The following GPR107 variants were observed in gnomAD, a reference collection of about 807,000 sequenced individuals.
GPR107 encodes protein GPR107.
Under a neutral mutation model 75.5 loss-of-function variants are expected in GPR107, and 31 were observed. The observed-to-expected ratio is 0.41, with a 90% CI of 0.31 to 0.55. The LOEUF (loss-of-function observed/expected upper bound fraction) is 0.55. Among genes scored for constraint, GPR107 ranks in the 20% least tolerant of loss-of-function variants. The pLI, the probability that GPR107 is intolerant of heterozygous loss-of-function variation, is 0.26. For synonymous variants in GPR107, 267 were observed against 251.3 expected (o/e 1.06, Z -0.59); for missense variants, 572 against 665.7 (o/e 0.86, Z 1.55).
intron 1 of GPR107, among the ~76,000 whole-genome samples, chr9:130,060,402 G>GTTTTTTTT (rs11403227): frequency 1.3e-5 from 1 of 75,906 alleles, no homozygotes; most frequent in Non-Finnish European, 2.4e-5. Flanking sequence ...GATAATCCGA[G>GTTTTTTTT]TTTTTTTTTT....
intron 1 of GPR107, among the ~76,000 whole-genome samples, chr9:130,057,258 C>T (rs576126105): frequency 1.3e-5 from 2 of 152,142 alleles, no homozygotes; most frequent in South Asian, 2.1e-4. Context: ...TAGGGAAGCT[C>T]GTTTGAGGTC....
At chr9:130,127,631 C>A in intron 16 of GPR107, 65 bp downstream of exon 16, 1 of 856,228 alleles carries the variant, frequency 1.2e-6, no homozygotes, top group Non-Finnish European at 2.0e-6. Flanking sequence ...TGAAGTGTAA[C>A]TTAACAGTTG....
At chr9:130,126,072 A>G (rs1489162306) in intron 15 of GPR107, among the ~76,000 whole-genome samples, 1 of 151,316 alleles carries the variant, frequency 6.6e-6, no homozygotes. Context: ...AAAAAAAAAA[A>G]TTGGAGTATC....
chr9:130,100,836 AGTGTAGCTCATGGGTGGCT>A, intron 11 of GPR107, 134 bp downstream of exon 11: 1 of 700,006 alleles, frequency 1.4e-6, no homozygotes, highest in Non-Finnish European at 2.5e-6. Context: ...ATACCAGAGG[AGTGTAGCTCATGGGTGGCT>A]GTCCAGACTT....
In GPR107 at chr9:130,103,530, A is replaced by C. The variant is rs1831087278; in HGVS notation, c.1132-890A>C. ...GTGGAAAGACTTTTTATAAAGACTTATGCTAAGAGCCTAATAACGGGCCTG... is the reference window on the plus strand; with the variant it reads ...GTGGAAAGACTTTTTATAAAGACTTCTGCTAAGAGCCTAATAACGGGCCTG... On this transcript the variant is annotated intron_variant, in intron 12 of 17. Transcript: ENST00000347136. This position sits in a 1 kb window ranked among gnomAD's most constrained non-coding sequence, Gnocchi z 4.3. 7.2e-6 allele frequency among the ~76,000 whole-genome samples: 1 copy of C among 139,458 alleles called. No homozygotes were observed. The highest frequency in any genetic ancestry group is 2.2e-4 in the South Asian group (1 of 4,468). The allele number at this position is 139,458 out of a possible 152,430, so 91.5% of individuals were successfully genotyped here. A position where few individuals can be genotyped will look rare whatever the true frequency, so the allele number is the denominator to read the frequency against.
intron 1 of GPR107, among the ~76,000 whole-genome samples, chr9:130,067,997 C>G (rs1830107657): frequency 6.6e-6 from 1 of 152,056 alleles, no homozygotes; most frequent in Non-Finnish European, 1.5e-5. Flanking sequence ...ACCTCAGCCC[C>G]CCAAAGTGCT....
In GPR107 at chr9:130,053,939, G is replaced by A. The variant is rs780038737; in HGVS notation, c.7G>A (p.Ala3Thr). The stretch of plus-strand genomic sequence containing the variant: ...TGGTGATGCTGGAACAAACATGGCC[G>A]CTCTGGCGCCCGTCGGCTCCCCCGC... MA[A>T]LAPVGSPASR... The change falls in exon 1 of 18, where the codon GCT becomes ACT. Residue 3 changes from alanine (A) to threonine (T), a missense_variant. Physicochemically the swap from Ala to Thr is moderately conservative, Grantham distance 58. Transcript: ENST00000347136. 3 of 1,557,250 alleles carry A rather than the reference G, an allele frequency of 1.9e-6. No individual in the cohort carries two copies. The highest frequency in any genetic ancestry group is 1.9e-5 in the Admixed American group (1 of 52,154).
intron 1 of GPR107, 102 bp from the exon 2 acceptor site, chr9:130,075,534 C>G: frequency 3.1e-6 from 2 of 647,688 alleles, no homozygotes; most frequent in Non-Finnish European, 5.6e-6. Flanking sequence ...GCTTGAGCCA[C>G]CGTGCCCAGC....
chr9:130,082,548 C>T (rs569353885), intron 5 of GPR107, among the ~76,000 whole-genome samples: 5 of 148,128 alleles, frequency 3.4e-5, no homozygotes, highest in East Asian at 2.0e-4. Context: ...GGCGCGATCT[C>T]GGCTCACTGC....
At chr9:130,100,004 C>T (rs892805871) in intron 10 of GPR107, among the ~76,000 whole-genome samples, 3 of 150,916 alleles carry the variant, frequency 2.0e-5, no homozygotes, top group African/African-American at 7.3e-5. Context: ...ACGCCATTCT[C>T]CTGCCTGAGT....
intron 13 of GPR107, 34 bp from the exon 14 acceptor site, chr9:130,107,462 G>C (rs1267872367): frequency 7.4e-7 from 1 of 1,350,490 alleles, no homozygotes; most frequent in African/African-American, 1.4e-5. Flanking sequence ...AGATTTGTCA[G>C]CTAACTTTTT....
intron 10 of GPR107, among the ~76,000 whole-genome samples, chr9:130,099,912 T>G (rs1251267145): frequency 1.0e-5 from 1 of 95,870 alleles, no homozygotes; most frequent in African/African-American, 4.3e-5. Context: ...TTTTTTTTTT[T>G]GAGACGGGGC....
At chr9:130,123,968 TCCCTCATTAGTGC>T (rs932954326) in intron 14 of GPR107, among the ~76,000 whole-genome samples, 6 of 152,342 alleles carry the variant, frequency 3.9e-5, no homozygotes, top group Admixed American at 6.5e-5. Flanking sequence ...TTTCTGAGTG[TCCCTCATTAGTGC>T]ATTGGGTTTC....
rs1829651869 is a variant in GPR107 at position 130,053,999 on chromosome 9, C to G, written c.67C>G (p.Leu23Val). 6.4e-7 allele frequency: 1 copy of G among 1,553,238 alleles called. No individual in the cohort carries two copies. Among genetic ancestry groups the G allele is most frequent in the African/African-American group, 1.4e-5 (1 of 73,262 alleles). ...TCCTAGGCTGGCCGCGGGCCTCCGG[C>G]TGCTCCCAATGCTGGGTTTGCTGCA... ...RGPRLAAGLR[L>V]LPMLGLLQLL... Residue 23 changes from leucine to valine, a missense_variant, in exon 1 of 18, where the codon CTG becomes GTG. Coordinates refer to ENST00000347136, the MANE Select transcript of GPR107 (RefSeq NM_020960.5).
intron 2 of GPR107, 68 bp from the exon 3 acceptor site, chr9:130,076,344 C>T: frequency 1.0e-6 from 1 of 992,754 alleles, no homozygotes; most frequent in South Asian, 1.3e-5. Flanking sequence ...ACTTTTTCTG[C>T]TTTTTGAGTA....
intron 14 of GPR107, among the ~76,000 whole-genome samples, chr9:130,117,191 C>T (rs1268512107): frequency 2.6e-5 from 4 of 152,112 alleles, no homozygotes; most frequent in African/African-American, 4.8e-5. Flanking sequence ...AGGTGATCGG[C>T]GCTCCTCAGC....
At chr9:130,068,966 C>T (rs1162355242) in intron 1 of GPR107, among the ~76,000 whole-genome samples, 1 of 152,070 alleles carries the variant, frequency 6.6e-6, no homozygotes, top group African/African-American at 2.4e-5. Context: ...TCTCAAACTC[C>T]TCAGCTCAAG....
intron 1 of GPR107, among the ~76,000 whole-genome samples, chr9:130,064,489 C>T (rs982081319): frequency 2.0e-5 from 3 of 152,006 alleles, no homozygotes; most frequent in African/African-American, 7.3e-5. Context: ...CGTGAGCCAC[C>T]GCGCCCGGCC....
chr9:130,059,864 G>T (rs963459388), intron 1 of GPR107, among the ~76,000 whole-genome samples: 1 of 151,522 alleles, frequency 6.6e-6, no homozygotes, highest in Non-Finnish European at 1.5e-5. Flanking sequence ...TCGACCTCCT[G>T]AGTAGTTGGG....
Sources: gnomAD v4.1 joint callset for allele counts (sites outside exome capture counted in the v4.1 genomes callset) on GRCh38, gnomAD v4.1.1 for gene constraint, Gnocchi (gnomAD v3.1) non-coding constraint, MANE v1.5 for transcripts, NCBI Gene and HGNC (gene_info 2026-07-23, HGNC 2026-07-21) for gene names.